The following RPS6KA2 variants were observed in gnomAD, a reference collection of about 807,000 sequenced individuals.
RPS6KA2 encodes ribosomal protein S6 kinase A2.
Under a neutral mutation model 91.8 loss-of-function variants are expected in RPS6KA2, and 42 were observed. That is an observed-to-expected ratio of 0.46 (90% CI 0.36 to 0.59). The LOEUF (loss-of-function observed/expected upper bound fraction) is 0.59. Ranked by LOEUF, RPS6KA2 falls within the 20% of genes least tolerant of loss-of-function variation. The probability of loss-of-function intolerance (pLI) is 0.00; values close to 1 mark genes in which losing one functional copy is unlikely to be tolerated. For synonymous variants in RPS6KA2, 414 were observed against 393.6 expected, an observed-to-expected ratio of 1.05 and a Z score of -0.61; for missense variants, 798 against 978.5, an observed-to-expected ratio of 0.82 and a Z score of 2.46.
chr6:166,505,540 A>C (rs1303600971), intron 5 of RPS6KA2, among the ~76,000 whole-genome samples: 1 of 152,244 alleles, frequency 6.6e-6, no homozygotes, highest in Non-Finnish European at 1.5e-5. Flanking sequence ...TGATTACTGA[A>C]TTCTCTCCGG....
chr6:166,623,766 A>C (rs550824536), intron 1 of RPS6KA2, among the ~76,000 whole-genome samples: 7 of 152,344 alleles, frequency 4.6e-5, no homozygotes, highest in African/African-American at 1.7e-4. Context: ...CACCCATGGA[A>C]GTCTATGGAA....
At chr6:166,414,693 A>G (rs1562477353) in intron 19 of RPS6KA2, among the ~76,000 whole-genome samples, 1 of 152,242 alleles carries the variant, frequency 6.6e-6, no homozygotes, top group Non-Finnish European at 1.5e-5. Context: ...GGAAGATCCA[A>G]GATGAGAATC....
intron 3 of RPS6KA2, among the ~76,000 whole-genome samples, chr6:166,529,536 G>A (rs1323929598): frequency 1.3e-5 from 2 of 151,950 alleles, no homozygotes; most frequent in Admixed American, 6.6e-5. Context: ...AAACCTGCAC[G>A]TTGTGCACGT....
chr6:166,689,045 A>C (rs1789111794), intron 2 of RPS6KA2, among the ~76,000 whole-genome samples: 1 of 152,250 alleles, frequency 6.6e-6, no homozygotes, highest in East Asian at 1.9e-4. Flanking sequence ...CCTGAGTACA[A>C]GGGGAACCTC....
chr6:166,708,056 CT>C (rs1367898079), intron 2 of RPS6KA2, among the ~76,000 whole-genome samples: 1 of 152,140 alleles, frequency 6.6e-6, no homozygotes, highest in African/African-American at 2.4e-5. Flanking sequence ...AGAATAATTT[CT>C]TTTGCTAATA....
At chr6:166,535,409 T>A (rs1374762918) in intron 2 of RPS6KA2, among the ~76,000 whole-genome samples, 1 of 152,230 alleles carries the variant, frequency 6.6e-6, no homozygotes, top group Non-Finnish European at 1.5e-5. Context: ...GGAAGACATT[T>A]AAAGACATGT....
intron 2 of RPS6KA2, among the ~76,000 whole-genome samples, chr6:166,700,775 G>A (rs1206714419): frequency 2.0e-5 from 3 of 152,140 alleles, no homozygotes; most frequent in Non-Finnish European, 4.4e-5. Flanking sequence ...CTGGCATTAT[G>A]GGGGAATATT....
At chr6:166,610,102 T>C (rs1277235703) in intron 1 of RPS6KA2, among the ~76,000 whole-genome samples, 2 of 152,218 alleles carry the variant, frequency 1.3e-5, no homozygotes, top group African/African-American at 4.8e-5. Context: ...AATAGCTTGC[T>C]AGAAACAGCA....
intron 2 of RPS6KA2, among the ~76,000 whole-genome samples, chr6:166,682,035 A>T (rs1264057944): frequency 6.6e-6 from 1 of 152,190 alleles, no homozygotes; most frequent in Non-Finnish European, 1.5e-5. Context: ...ATGTATTAAT[A>T]GTAAAATCTG....
At chr6:166,734,426 GC>G (rs1185601827) in intron 2 of RPS6KA2, among the ~76,000 whole-genome samples, 1 of 152,156 alleles carries the variant, frequency 6.6e-6, no homozygotes, top group Non-Finnish European at 1.5e-5. Context: ...ATATTCAGGT[GC>G]TAGGAAATAA....
Position 166,432,067 on chromosome 6 carries a change from G to A in RPS6KA2, c.1422+334C>T, listed in dbSNP as rs528722955. Reference sequence around the variant, plus strand: ...GCTAGAATCAGTTTGGAGTTGGAGCGTGAGGAGGAAAATTGTCTCCTGTCT... The same window carrying A: ...GCTAGAATCAGTTTGGAGTTGGAGCATGAGGAGGAAAATTGTCTCCTGTCT... On this transcript the variant is annotated intron_variant, in intron 15 of 20. Transcript: ENST00000265678. Among the ~76,000 whole-genome samples, 23 of 152,326 alleles carry A rather than the reference G, an allele frequency of 1.5e-4. 1 individual carries two copies. In the South Asian group the frequency reaches 2.3e-3, roughly 15 times the overall value.
rs1269717140 is a variant in RPS6KA2, at chr6:166,538,915, A to G, written c.100-131T>C. 3 of 565,012 alleles carry G rather than the reference A, an allele frequency of 5.3e-6. No homozygotes were observed. The African/African-American group carries it at 5.6e-5, about 11-fold the overall frequency. 35.0% of individuals were successfully genotyped at this position (565,012 alleles called of 1,614,324 possible). Reference sequence around the variant, plus strand: ...TTTTAGCGCTGGAGTTTGAAAGTGGAGACACCATTTAGTTGTGTTTTTTTC... The same window carrying G: ...TTTTAGCGCTGGAGTTTGAAAGTGGGGACACCATTTAGTTGTGTTTTTTTC... On this transcript the variant is annotated intron_variant, in intron 1 of 20. Coordinates refer to ENST00000265678, the MANE Select transcript of RPS6KA2 (RefSeq NM_021135.6).
chr6:166,592,235 C>A (rs529572281), intron 1 of RPS6KA2, among the ~76,000 whole-genome samples: 1 of 152,284 alleles, frequency 6.6e-6, no homozygotes, highest in African/African-American at 2.4e-5. Context: ...ATAATGAATT[C>A]TCTGCTCTAT....
rs192358627 is a variant in RPS6KA2, at chr6:166,468,820, C to T, written c.972+1021G>A. Among the ~76,000 whole-genome samples the T allele has an allele frequency of 7.4e-4, 104 of 140,278 alleles. 1 individual carries two copies. The highest frequency in any genetic ancestry group is 2.5e-3 in the African/African-American group (89 of 35,488). 92.0% of individuals were successfully genotyped at this position (140,278 alleles called of 152,430 possible). On this transcript the variant is annotated intron_variant, in intron 11 of 20. Coordinates refer to ENST00000265678, the MANE Select transcript of RPS6KA2 (RefSeq NM_021135.6). ...TGGAGCTTGCAGTGAGCCGAGATCG[C>T]GCCACTGCACTCCAGCCTGGGCGAC...
chr6:166,412,630 G>T lies in RPS6KA2; in HGVS notation c.*132C>A, dbSNP rs550244250. 4.4e-6 allele frequency: 4 copies of T among 901,592 alleles called. No homozygotes were observed. In the African/African-American group the frequency reaches 6.8e-5, roughly 15 times the overall value. The allele number at this position is 901,592 out of a possible 1,614,324, so 55.8% of individuals were successfully genotyped here. ...TCTCCGGGGCTGAAAAAGAAAACAC[G>T]GACACGGCGAGGGCGGGCGCCGCCT... On this transcript the variant is annotated 3_prime_UTR_variant, in exon 21 of 21. Coordinates refer to ENST00000265678, the MANE Select transcript of RPS6KA2 (RefSeq NM_021135.6). This position sits in a 1 kb window ranked among gnomAD's most constrained non-coding sequence, Gnocchi z 4.3.
chr6:166,488,655 C>A (rs924139289), intron 10 of RPS6KA2, among the ~76,000 whole-genome samples, 178 bp downstream of exon 10: 2 of 152,192 alleles, frequency 1.3e-5, no homozygotes, highest in Admixed American at 6.5e-5. Context: ...TGTGAAGGGG[C>A]CTTTTTTCCT....
intron 1 of RPS6KA2, among the ~76,000 whole-genome samples, chr6:166,575,313 G>T (rs1314480399): frequency 6.6e-6 from 1 of 152,178 alleles, no homozygotes. Flanking sequence ...GGAGTACGGG[G>T]GAGCGCTCAG....
Position 166,412,695 on chromosome 6 carries a change from T to C in RPS6KA2, c.*67A>G, listed in dbSNP as rs974008210. 6.8e-7 allele frequency: 1 copy of C among 1,478,742 alleles called. No individual in the cohort carries two copies. Among genetic ancestry groups the C allele is most frequent in the Non-Finnish European group, 9.0e-7 (1 of 1,105,170 alleles). The allele number at this position is 1,478,742 out of a possible 1,614,324, so 91.6% of individuals were successfully genotyped here. A position where few individuals can be genotyped will look rare whatever the true frequency, so the allele number is the denominator to read the frequency against. On this transcript the variant is annotated 3_prime_UTR_variant, in exon 21 of 21. Transcript: ENST00000265678. This position sits in a 1 kb window ranked among gnomAD's most constrained non-coding sequence, Gnocchi z 4.3. Reference sequence around the variant, plus strand: ...TGGTCACTCTGGGTGCCAGACGGGCTCCGAGGCCGGGGTCTGTGAGCCCAC... The same window carrying C: ...TGGTCACTCTGGGTGCCAGACGGGCCCCGAGGCCGGGGTCTGTGAGCCCAC...
At chr6:166,631,568 C>T (rs1787076829), upstream of RPS6KA2, among the ~76,000 whole-genome samples, 1 of 152,208 alleles carries the variant, frequency 6.6e-6, no homozygotes, top group South Asian at 2.1e-4. Context: ...CTTTTGAAAC[C>T]CATTTATAAA....
Sources: allele counts gnomAD v4.1 joint callset (sites outside exome capture counted in the v4.1 genomes callset), GRCh38; gene constraint gnomAD v4.1.1; non-coding constraint Gnocchi (gnomAD v3.1); transcripts MANE v1.5; gene names NCBI Gene and HGNC (gene_info 2026-07-23, HGNC 2026-07-21).